Variants in MARCHF10 observed in about 807,000 individuals in gnomAD.
The protein encoded by MARCHF10 is membrane associated ring-CH-type finger 10.
A neutral mutation model predicts 76.2 loss-of-function variants in MARCHF10; 64 were observed. The observed-to-expected ratio is 0.84, with a 90% confidence interval of 0.69 to 1.03. The LOEUF is 1.03. MARCHF10 is among the 50% of genes least tolerant of loss of function. The pLI is 0.00. For synonymous variants in MARCHF10, 340 were observed against 357.5 expected, an observed-to-expected ratio of 0.95 and a Z score of 0.55; for missense variants, 875 against 958.0, an observed-to-expected ratio of 0.91 and a Z score of 1.14.
intron 4 of MARCHF10, among the ~76,000 whole-genome samples, chr17:62,756,289 G>A (rs536435654): frequency 6.6e-6 from 1 of 151,830 alleles, no homozygotes; most frequent in Non-Finnish European, 1.5e-5. Flanking sequence ...AACAAAACAA[G>A]TAAAAAATTA....
At chr17:62,783,194 GTTTTTTTTTTTT>G (rs201262979) in intron 3 of MARCHF10, among the ~76,000 whole-genome samples, 13 of 71,368 alleles carry the variant, frequency 1.8e-4, no homozygotes, top group East Asian at 1.0e-3. Context: ...AAAATTGCCA[GTTTTTTTTTTTT>G]TTTTTTTTTT....
intron 3 of MARCHF10, among the ~76,000 whole-genome samples, chr17:62,787,133 T>C (rs908014778): frequency 6.6e-6 from 1 of 152,228 alleles, no homozygotes; most frequent in Non-Finnish European, 1.5e-5. Flanking sequence ...AGGCAACGTG[T>C]TCTTGGTGCT....
In MARCHF10 at chr17:62,737,292, C is replaced by G. The variant is rs1207831688; in HGVS notation, c.576G>C (p.Lys192Asn). 3 of 1,613,350 alleles carry G rather than the reference C, an allele frequency of 1.9e-6. No individual in the cohort carries two copies. The Admixed American group carries it at 5.0e-5, about 27-fold the overall frequency. Reference protein sequence around the residue: ...VQQEGLMCNTKLKRPNQERRN... With the variant: ...VQQEGLMCNTNLKRPNQERRN... ...TTCTCTCTTGATTTGGCCTCTTCAG[C>G]TTAGTGTTACACATCAGGCCTTCTT... The change falls in exon 6 of 11, where the codon AAG becomes AAC. Residue 192 changes from lysine (K) to asparagine (N), a missense_variant. Transcript: ENST00000311269.
At chr17:62,702,296 A>G (rs2089289834) in intron 10 of MARCHF10, among the ~76,000 whole-genome samples, 1 of 151,738 alleles carries the variant, frequency 6.6e-6, no homozygotes, top group Non-Finnish European at 1.5e-5. Flanking sequence ...TCTTCGGGGA[A>G]ACTCTTGTCT....
At chr17:62,741,985 A>G (rs1599178824) in intron 5 of MARCHF10, among the ~76,000 whole-genome samples, 1 of 148,744 alleles carries the variant, frequency 6.7e-6, no homozygotes, top group South Asian at 2.1e-4. Flanking sequence ...GGCATGAGCC[A>G]CCGCGCCCAG....
At position 62,738,064 on chromosome 17, in the gene MARCHF10, A is replaced by T. The variant is rs1051209740; in HGVS notation, c.536-732T>A. The T allele has an allele frequency of 2.7e-5, 4 of 147,680 alleles. No individual in the cohort carries two copies. The highest frequency in any genetic ancestry group is 1.0e-4 in the African/African-American group (4 of 39,786). 9.1% of individuals were successfully genotyped at this position (147,680 alleles called of 1,614,324 possible). ...GTCTCTCTCTGTCTCTCTCTGTCAC[A>T]CACACACACACACACACACACACAC... On this transcript the variant is annotated intron_variant, in intron 5 of 10. Coordinates refer to ENST00000311269, the MANE Select transcript of MARCHF10 (RefSeq NM_152598.4). The surrounding 1 kb of genome is among the most constrained non-coding windows in gnomAD (Gnocchi z 4.0).
intron 3 of MARCHF10, among the ~76,000 whole-genome samples, chr17:62,775,713 A>T (rs1003909064): frequency 6.6e-6 from 1 of 152,210 alleles, no homozygotes; most frequent in Non-Finnish European, 1.5e-5. Context: ...ATGAAATGCT[A>T]TATGTTATAA....
rs370457835 is a variant in MARCHF10 at position 62,722,622 on chromosome 17, G to A, written c.2105-25C>T. The A allele has an allele frequency of 2.1e-5, 33 of 1,584,186 alleles. No homozygotes were observed. The Middle Eastern group carries it at 5.0e-4, about 24-fold the overall frequency. ...CCTTAAATTGGATAAAGAATTATAT[G>A]TACATATAACCATGGGTCTGTTTGT... is the stretch of plus-strand genomic sequence containing the variant. On this transcript the variant is annotated intron_variant, in intron 7 of 10. Transcript: ENST00000311269.
intron 3 of MARCHF10, among the ~76,000 whole-genome samples, chr17:62,769,503 C>T (rs371711894): frequency 9.9e-5 from 15 of 152,126 alleles, no homozygotes; most frequent in East Asian, 9.6e-4. Flanking sequence ...CTGTAACCTC[C>T]GCCCTGCAGG....
chr17:62,747,061 T>C (rs989886685), intron 4 of MARCHF10: 1 of 985,448 alleles, frequency 1.0e-6, no homozygotes, highest in Non-Finnish European at 1.5e-6. Context: ...AATGAGTATG[T>C]CTTTTCTCTC....
chr17:62,792,389 T>TTATGTTATGCAGA (rs1483436655), intron 2 of MARCHF10, among the ~76,000 whole-genome samples: 1 of 152,026 alleles, frequency 6.6e-6, no homozygotes, highest in Non-Finnish European at 1.5e-5. Context: ...TTGCAGATTG[T>TTATGTTATGCAGA]TGATATGTTA....
At chr17:62,726,539 A>G (rs1314345854) in intron 6 of MARCHF10, among the ~76,000 whole-genome samples, 1 of 152,260 alleles carries the variant, frequency 6.6e-6, no homozygotes, top group Non-Finnish European at 1.5e-5. Context: ...ACATGTGTAC[A>G]TGGGAGTGAG....
At chr17:62,788,384 T>C in intron 3 of MARCHF10, 96 bp downstream of exon 3, 2 of 1,507,778 alleles carry the variant, frequency 1.3e-6, no homozygotes, top group Non-Finnish European at 9.1e-7. Context: ...CATCTCCTTT[T>C]TGAGTTGGCT....
chr17:62,798,002 G>C (rs964242952), intron 2 of MARCHF10, among the ~76,000 whole-genome samples: 3 of 152,192 alleles, frequency 2.0e-5, no homozygotes, highest in African/African-American at 7.2e-5. Flanking sequence ...GGGCAGCAGG[G>C]AGATGGACAT....
intron 2 of MARCHF10, among the ~76,000 whole-genome samples, chr17:62,797,425 T>C (rs143854859): frequency 6.3e-4 from 96 of 152,288 alleles, no homozygotes; most frequent in African/African-American, 2.3e-3. Context: ...AGGCTGGTTT[T>C]GAACTCCTGA....
At chr17:62,801,519 C>T (rs2093072931) in intron 2 of MARCHF10, 127 bp downstream of exon 2, 1 of 515,016 alleles carries the variant, frequency 1.9e-6, no homozygotes, top group African/African-American at 2.0e-5. Flanking sequence ...TTGCTAGTTA[C>T]ATACCTAATC....
chr17:62,753,262 A>G (rs1289420753), intron 4 of MARCHF10, among the ~76,000 whole-genome samples: 4 of 152,044 alleles, frequency 2.6e-5, no homozygotes, highest in Non-Finnish European at 5.9e-5. Flanking sequence ...GCGCACCACT[A>G]CATCTGGCTA....
intron 2 of MARCHF10, among the ~76,000 whole-genome samples, chr17:62,795,356 C>CAAAAAAAAAAA (rs61564298): frequency 4.5e-4 from 24 of 52,946 alleles, no homozygotes; most frequent in African/African-American, 1.6e-3. Flanking sequence ...ATCATTTGAT[C>CAAAAAAAAAAA]AAAAAAAAAA....
At chr17:62,777,105 C>T (rs1350548366) in intron 3 of MARCHF10, among the ~76,000 whole-genome samples, 1 of 152,192 alleles carries the variant, frequency 6.6e-6, no homozygotes, top group East Asian at 1.9e-4. Context: ...CACATTATCC[C>T]CTTTCTTCTC....
Sources: gnomAD v4.1 joint callset for allele counts (sites outside exome capture counted in the v4.1 genomes callset) on GRCh38, gnomAD v4.1.1 for gene constraint, Gnocchi (gnomAD v3.1) non-coding constraint, MANE v1.5 for transcripts, NCBI Gene and HGNC (gene_info 2026-07-23, HGNC 2026-07-21) for gene names.